DOCK2: variants seen among roughly 807,000 people sequenced by gnomAD.
DOCK2 encodes dedicator of cytokinesis protein 2.
Under a neutral mutation model 248.9 loss-of-function variants are expected in DOCK2, and 87 were observed. The ratio of observed to expected loss-of-function variants is 0.35; its 90% confidence interval spans 0.29 to 0.42. The LOEUF (loss-of-function observed/expected upper bound fraction) is 0.42. Among genes scored for constraint, DOCK2 ranks in the 10% least tolerant of loss-of-function variants. The pLI, the probability that DOCK2 is intolerant of heterozygous loss-of-function variation, is 1.00. For missense variants in DOCK2, 1,747 were observed against 2,300.2 expected, an observed-to-expected ratio of 0.76 and a Z score of 4.92; for synonymous variants, 805 against 821.6, an observed-to-expected ratio of 0.98 and a Z score of 0.35.
chr5:169,714,158 G>A lies in DOCK2; in HGVS notation c.1790G>A (p.Arg597Gln), dbSNP rs1384088682. 7 of 1,613,514 alleles carry A rather than the reference G, an allele frequency of 4.3e-6. No homozygotes were observed. Among genetic ancestry groups the A allele is most frequent in the South Asian group, 2.2e-5 (2 of 90,972 alleles). Residue 597 changes from arginine to glutamine, a missense_variant, in exon 18 of 52, where the codon CGG becomes CAG. Transcript: ENST00000520908. ...SSVGGLSVSSRDVFSISTLVC... is the reference protein window; with the variant it reads ...SSVGGLSVSSQDVFSISTLVC... Reference sequence around the variant, plus strand: ...GTTGGGGGGCTTTCTGTCAGCTCCCGGGATGTGTTCTCCATTTCCACCCTG... The same window carrying A: ...GTTGGGGGGCTTTCTGTCAGCTCCCAGGATGTGTTCTCCATTTCCACCCTG...
chr5:169,915,557 AACACACACACACACACACACACAC>A (rs56728646), intron 27 of DOCK2, among the ~76,000 whole-genome samples: 2 of 143,384 alleles, frequency 1.4e-5, no homozygotes, highest in African/African-American at 2.6e-5. Context: ...ATTGACAGGG[AACACACACACACACACACACACAC>A]ACACACACAC....
rs1284372791 is a variant in DOCK2, at chr5:170,083,063, T to C, written c.*205T>C. 1 of 604,006 alleles carries C rather than the reference T, an allele frequency of 1.7e-6. No individual in the cohort carries two copies. The allele number at this position is 604,006 out of a possible 1,614,324, so 37.4% of individuals were successfully genotyped here. ...CCCCTGGGGCTGTGATCATGGTGGA[T>C]GAGGAAGCCTCAACGTAGATTCCTG... On this transcript the variant is annotated 3_prime_UTR_variant, in exon 52 of 52. Coordinates refer to ENST00000520908, the MANE Select transcript of DOCK2 (RefSeq NM_004946.3).
chr5:169,938,038 G>A (rs1561838225), intron 27 of DOCK2, among the ~76,000 whole-genome samples: 1 of 152,196 alleles, frequency 6.6e-6, no homozygotes. Context: ...GAGCCATTAA[G>A]TTTTGAAAGA....
At chr5:169,804,484 G>A (rs1406176165) in intron 26 of DOCK2, among the ~76,000 whole-genome samples, 1 of 67,488 alleles carries the variant, frequency 1.5e-5, no homozygotes, top group Admixed American at 2.2e-4. Context: ...GTGTGTGTGT[G>A]TGCGCGCGCG....
Position 169,747,389 on chromosome 5 carries a change from GTTTC to G in DOCK2, c.2268-6_2268-3del, listed in dbSNP as rs1425984078. 6.2e-7 allele frequency: 1 copy of G among 1,611,050 alleles called. No homozygotes were observed. The stretch of plus-strand genomic sequence containing the variant: ...TTGAGAAATGACCCAGATGTATCTT[GTTTC>G]AGGCTTTATGAAGGCAAAGAACAGA... On this transcript the variant is annotated splice_polypyrimidine_tract_variant and splice_region_variant and intron_variant, in intron 22 of 51. Coordinates refer to ENST00000520908, the MANE Select transcript of DOCK2 (RefSeq NM_004946.3).
chr5:169,754,622 C>G (rs1764091637), intron 23 of DOCK2, among the ~76,000 whole-genome samples: 1 of 152,144 alleles, frequency 6.6e-6, no homozygotes. Context: ...GCCTTCTCGC[C>G]CCTGCTGAAT....
chr5:169,765,102 A>C (rs574839608), intron 25 of DOCK2, among the ~76,000 whole-genome samples: 108 of 147,848 alleles, frequency 7.3e-4, no homozygotes, highest in African/African-American at 2.4e-3. Context: ...ACACACACAC[A>C]CCCCACACAC....
intron 33 of DOCK2, among the ~76,000 whole-genome samples, chr5:170,027,632 C>T (rs1010292138): frequency 1.3e-5 from 2 of 152,160 alleles, no homozygotes; most frequent in African/African-American, 2.4e-5. Flanking sequence ...CTCTCTCGCA[C>T]GTGCTCTCTC....
chr5:169,795,138 G>T (rs1290815412), intron 25 of DOCK2, among the ~76,000 whole-genome samples: 1 of 152,022 alleles, frequency 6.6e-6, no homozygotes, highest in Non-Finnish European at 1.5e-5. Context: ...TGCTTATTAG[G>T]TTTAGTGCAA....
chr5:169,732,684 T>C (rs1762844820), intron 22 of DOCK2, among the ~76,000 whole-genome samples: 1 of 152,152 alleles, frequency 6.6e-6, no homozygotes, highest in African/African-American at 2.4e-5. Flanking sequence ...GAAACGTATC[T>C]CAATTTATCT....
At chr5:169,789,497 G>T (rs1028360455) in intron 25 of DOCK2, among the ~76,000 whole-genome samples, 2 of 152,160 alleles carry the variant, frequency 1.3e-5, no homozygotes, top group Non-Finnish European at 2.9e-5. Context: ...CTGTTCAAAG[G>T]TAAGGAGCAT....
chr5:169,708,225 G>A lies in DOCK2; in HGVS notation c.1440G>A (p.Val480=), dbSNP rs751428313. Residue 480 remains valine (V), a synonymous_variant, in exon 15 of 52, where the codon GTG becomes GTA. Transcript: ENST00000520908. ...DKPMNEYRSV[V]YYQVKQPRWM... ...CCATGAATGAGTATCGCTCCGTTGT[G>A]TACTATCAAGTCAAACAGCCACGCT... The A allele has an allele frequency of 2.5e-6, 4 of 1,613,852 alleles. No individual in the cohort carries two copies. Among genetic ancestry groups the A allele is most frequent in the Admixed American group, 3.3e-5 (2 of 59,984 alleles).
chr5:169,712,030 T>A (rs1217096757), intron 16 of DOCK2, 23 bp downstream of exon 16: 1 of 1,613,986 alleles, frequency 6.2e-7, no homozygotes, highest in African/African-American at 1.3e-5. Context: ...CTGAATGGCA[T>A]CTCTGCACCT....
At chr5:169,967,494 GGGAAGAGTA>G (rs1777346168) in intron 27 of DOCK2, among the ~76,000 whole-genome samples, 1 of 152,178 alleles carries the variant, frequency 6.6e-6, no homozygotes, top group South Asian at 2.1e-4. Context: ...AAAGTTTAAA[GGGAAGAGTA>G]GGAAGAGTGG....
rs764614478 is a variant in DOCK2 at position 169,681,113 on chromosome 5, CTTTTTTTTTTTTT to C, written c.471-617_471-605del. 5.7e-4 allele frequency among the ~76,000 whole-genome samples: 54 copies of C among 94,234 alleles called. 4 individuals are homozygous for C. The South Asian group carries it at 0.021, about 37-fold the overall frequency. The allele number at this position is 94,234 out of a possible 152,430, so 61.8% of individuals were successfully genotyped here. On this transcript the variant is annotated intron_variant, in intron 6 of 51. Coordinates refer to ENST00000520908, the MANE Select transcript of DOCK2 (RefSeq NM_004946.3). ...TTTAGCCATTTCTCTTTTAGTAGAC[CTTTTTTTTTTTTT>C]TTTTTTTTTTTTTCTGAGATGGAGT...
Position 169,691,849 on chromosome 5 carries a change from A to T in DOCK2, c.843+2516A>T, listed in dbSNP as rs202085143. On this transcript the variant is annotated intron_variant, in intron 9 of 51. Coordinates refer to ENST00000520908, the MANE Select transcript of DOCK2 (RefSeq NM_004946.3). ...TTTTGTTTTATTTATTTATTTATTT[A>T]TTTATTTTTATTTATTTTTTTTTTT... is the stretch of plus-strand genomic sequence containing the variant. 4.4e-4 allele frequency among the ~76,000 whole-genome samples: 58 copies of T among 132,014 alleles called. No individual in the cohort carries two copies. The East Asian group carries it at 0.011, about 26-fold the overall frequency. 86.6% of individuals were successfully genotyped at this position (132,014 alleles called of 152,430 possible).
chr5:169,869,074 C>T (rs544981940), intron 27 of DOCK2, among the ~76,000 whole-genome samples: 2 of 152,310 alleles, frequency 1.3e-5, no homozygotes, highest in East Asian at 3.9e-4. Context: ...GCTGAAATCA[C>T]TGCACATGGA....
intron 32 of DOCK2, among the ~76,000 whole-genome samples, chr5:170,014,808 A>G (rs181047006): frequency 6.6e-6 from 1 of 152,268 alleles, no homozygotes; most frequent in Admixed American, 6.5e-5. Flanking sequence ...GAGGGAGCAC[A>G]GGACCAGACA....
At chr5:169,735,673 C>CA (rs1424749250) in intron 22 of DOCK2, among the ~76,000 whole-genome samples, 3 of 152,170 alleles carry the variant, frequency 2.0e-5, no homozygotes, top group Non-Finnish European at 4.4e-5. Context: ...GGCACAATAA[C>CA]AAAAACACAT....
Sources: allele counts gnomAD v4.1 joint callset (sites outside exome capture counted in the v4.1 genomes callset), GRCh38; gene constraint gnomAD v4.1.1; transcripts MANE v1.5; gene names NCBI Gene and HGNC (gene_info 2026-07-23, HGNC 2026-07-21).